OPRD1: variants seen among roughly 807,000 people sequenced by gnomAD.
OPRD1 encodes the protein opioid receptor delta 1.
A neutral mutation model predicts 17.5 loss-of-function variants in OPRD1; 19 were observed. The observed-to-expected ratio is 1.09, with a 90% CI of 0.76 to 1.60. The LOEUF (loss-of-function observed/expected upper bound fraction) is 1.60. Among genes scored for constraint, OPRD1 ranks in the 40% most tolerant of loss-of-function variants. The pLI is 0.00. For missense variants in OPRD1, 483 were observed against 547.2 expected (o/e 0.88, Z 1.17); for synonymous variants, 256 against 240.9 (o/e 1.06, Z -0.58).
Position 28,824,431 on chromosome 1 carries a change from G to A in OPRD1, c.227+11821G>A, listed in dbSNP as rs540510091. Among the ~76,000 whole-genome samples, 317 of 148,826 alleles carry A rather than the reference G, an allele frequency of 2.1e-3. 1 individual carries two copies. The highest frequency in any genetic ancestry group is 2.2e-3 in the Non-Finnish European group (149 of 67,360). On this transcript the variant is annotated intron_variant, in intron 1 of 2. Coordinates refer to ENST00000234961, the MANE Select transcript of OPRD1 (RefSeq NM_000911.4). ...TGGGTTCACGGCATTCTCCTGCCTC[G>A]GCTTCCCGAGTAGCTGGGACTACAG...
chr1:28,840,732 G>T (rs1397083132), intron 1 of OPRD1, among the ~76,000 whole-genome samples: 2 of 152,112 alleles, frequency 1.3e-5, no homozygotes, highest in Non-Finnish European at 2.9e-5. Context: ...GACCAGCCTG[G>T]CCAACATGGT....
intron 1 of OPRD1, among the ~76,000 whole-genome samples, chr1:28,822,996 C>T (rs1456966908): frequency 6.6e-6 from 1 of 152,046 alleles, no homozygotes; most frequent in Non-Finnish European, 1.5e-5. Flanking sequence ...AGCAGAAAGT[C>T]TGGCTTAAAT....
chr1:28,862,646 C>G (rs1270804724), intron 2 of OPRD1, 96 bp from the exon 3 acceptor site: 9 of 1,215,068 alleles, frequency 7.4e-6, no homozygotes, highest in Non-Finnish European at 1.0e-5. Context: ...GGTGGTGGGA[C>G]TTGCCCAAGC....
At chr1:28,832,885 G>T (rs2088821064) in intron 1 of OPRD1, among the ~76,000 whole-genome samples, 1 of 152,214 alleles carries the variant, frequency 6.6e-6, no homozygotes, top group African/African-American at 2.4e-5. Flanking sequence ...CTTTGCTGGG[G>T]AGCTGGGTGG....
At chr1:28,813,063 G>A (rs532402588) in intron 1 of OPRD1, among the ~76,000 whole-genome samples, 44 of 152,284 alleles carry the variant, frequency 2.9e-4, no homozygotes, top group African/African-American at 1.0e-3. Flanking sequence ...GGGCGGACAG[G>A]AGGGTGCTGG....
chr1:28,835,397 C>G (rs774794696), intron 1 of OPRD1, among the ~76,000 whole-genome samples: 2 of 152,220 alleles, frequency 1.3e-5, no homozygotes, highest in Non-Finnish European at 2.9e-5. Context: ...TTTCTCTGTT[C>G]CAGCCTTTAA....
chr1:28,870,932 C>T lies in OPRD1; in HGVS notation c.*7649C>T, dbSNP rs988797354. 2.0e-5 allele frequency: 3 copies of T among 152,250 alleles called. No homozygotes were observed. Among genetic ancestry groups the T allele is most frequent in the African/African-American group, 4.8e-5 (2 of 41,454 alleles). The allele number at this position is 152,250 out of a possible 1,614,324, so 9.4% of individuals were successfully genotyped here. ...TGTGGTGTTGGGCAGGTCTCTGTCC[C>T]TCTCTGGGCCTCTGCACGATGGAGG... On this transcript the variant is annotated 3_prime_UTR_variant, in exon 3 of 3. Coordinates refer to ENST00000234961, the MANE Select transcript of OPRD1 (RefSeq NM_000911.4).
rs140293101 is a variant in OPRD1, at chr1:28,844,446, A to G, written c.228-14508A>G. On this transcript the variant is annotated intron_variant, in intron 1 of 2. Transcript: ENST00000234961. ...GCTGGGACTACAAGCGCATGTCACC[A>G]TGCCCAGCTAATTTTTGTATTTTTT... 2.2e-3 allele frequency among the ~76,000 whole-genome samples: 342 copies of G among 152,090 alleles called. 1 individual carries two copies. Among genetic ancestry groups the G allele is most frequent in the African/African-American group, 7.4e-3 (309 of 41,496 alleles).
At chr1:28,815,944 G>A (rs1161626209) in intron 1 of OPRD1, among the ~76,000 whole-genome samples, 2 of 152,176 alleles carry the variant, frequency 1.3e-5, no homozygotes, top group African/African-American at 4.8e-5. Context: ...TACTTGCTGT[G>A]TACTCGGGCT....
chr1:28,835,001 C>A (rs561661165), intron 1 of OPRD1, among the ~76,000 whole-genome samples: 1 of 152,326 alleles, frequency 6.6e-6, no homozygotes, highest in Admixed American at 6.5e-5. Flanking sequence ...CTCCCCTGTT[C>A]TGCTCTCCCC....
chr1:28,844,182 A>ATTTTTTTTTTTTTTTTT (rs2088920380), intron 1 of OPRD1, among the ~76,000 whole-genome samples: 1 of 114,220 alleles, frequency 8.8e-6, no homozygotes. Flanking sequence ...TTTTTTTTTC[A>ATTTTTTTTTTTTTTTTT]TTATCTTAAT....
intron 1 of OPRD1, among the ~76,000 whole-genome samples, chr1:28,852,181 A>G (rs887816376): frequency 1.8e-4 from 27 of 151,152 alleles, no homozygotes; most frequent in South Asian, 2.1e-4. Context: ...AAAAAAAAAA[A>G]AAAAAGAAAA....
intron 1 of OPRD1, among the ~76,000 whole-genome samples, chr1:28,827,926 C>T (rs1212023101): frequency 2.0e-5 from 3 of 151,636 alleles, no homozygotes; most frequent in South Asian, 4.2e-4. Flanking sequence ...TTTGTAGAGC[C>T]GGAGTTTCTG....
chr1:28,842,975 A>AG (rs2088907130), intron 1 of OPRD1, among the ~76,000 whole-genome samples: 1 of 151,708 alleles, frequency 6.6e-6, no homozygotes, highest in Admixed American at 6.6e-5. Context: ...GGGAAAAAAA[A>AG]AAGAAGAAGA....
At chr1:28,856,561 G>C (rs2089059757) in intron 1 of OPRD1, among the ~76,000 whole-genome samples, 1 of 152,174 alleles carries the variant, frequency 6.6e-6, no homozygotes, top group Non-Finnish European at 1.5e-5. Flanking sequence ...CCAGAGGCAT[G>C]AGAGCAGCGT....
chr1:28,838,622 A>G (rs890354025), intron 1 of OPRD1, among the ~76,000 whole-genome samples: 2 of 152,124 alleles, frequency 1.3e-5, no homozygotes, highest in African/African-American at 2.4e-5. Context: ...TCAAAGGTAC[A>G]TTTTGGATCC....
At chr1:28,856,761 A>C (rs1422187804) in intron 1 of OPRD1, among the ~76,000 whole-genome samples, 3 of 152,250 alleles carry the variant, frequency 2.0e-5, no homozygotes, top group Non-Finnish European at 2.9e-5. Flanking sequence ...TGTGCAGGGC[A>C]GAGAGCATGG....
At chr1:28,862,629 G>A (rs1266615142) in intron 2 of OPRD1, 113 bp from the exon 3 acceptor site, 5 of 936,876 alleles carry the variant, frequency 5.3e-6, no homozygotes, top group Non-Finnish European at 7.9e-6. Context: ...AACAAAGGCT[G>A]GGAGGAGGTG....
Position 28,812,236 on chromosome 1 carries a change from C to A in OPRD1, c.-148C>A. The A allele has an allele frequency of 6.3e-6, 2 of 316,886 alleles. No homozygotes were observed. The highest frequency in any genetic ancestry group is 9.9e-6 in the Non-Finnish European group (2 of 202,818). The allele number at this position is 316,886 out of a possible 1,614,324, so 19.6% of individuals were successfully genotyped here. On this transcript the variant is annotated 5_prime_UTR_variant, in exon 1 of 3. Coordinates refer to ENST00000234961, the MANE Select transcript of OPRD1 (RefSeq NM_000911.4). ...GGGCCGGTGCGGGCGGCGAGGCAGG[C>A]GGACGAGGCGCAGAGACAGCGGGGC...
Sources: allele counts gnomAD v4.1 joint callset (sites outside exome capture counted in the v4.1 genomes callset), GRCh38; gene constraint gnomAD v4.1.1; transcripts MANE v1.5; gene names NCBI Gene and HGNC (gene_info 2026-07-23, HGNC 2026-07-21).